The following MYO3B variants were observed in gnomAD, a reference collection of about 807,000 sequenced individuals.
MYO3B encodes the protein myosin IIIB.
A neutral mutation model predicts 174.6 loss-of-function variants in MYO3B; 156 were observed. The ratio of observed to expected loss-of-function variants is 0.89; its 90% CI spans 0.78 to 1.02. The LOEUF (loss-of-function observed/expected upper bound fraction) is 1.02. MYO3B is among the 50% of genes least tolerant of loss of function. The pLI is 0.00. For missense variants in MYO3B, 1,632 were observed against 1,639.4 expected (o/e 1.00, Z 0.08); for synonymous variants, 563 against 569.1 (o/e 0.99, Z 0.15).
chr2:170,350,628 G>A (rs1462178328), intron 8 of MYO3B: 1 of 152,154 alleles, frequency 6.6e-6, no homozygotes, highest in Middle Eastern at 3.2e-3. Flanking sequence ...GCCTGTGAAT[G>A]CAACTTTACT....
intron 32 of MYO3B, among the ~76,000 whole-genome samples, chr2:170,641,739 GCTTAA>G (rs1375980591): frequency 6.6e-6 from 1 of 151,538 alleles, no homozygotes; most frequent in Non-Finnish European, 1.5e-5. Context: ...ACTTTTCACT[GCTTAA>G]CTTATTTGAA....
intron 32 of MYO3B, among the ~76,000 whole-genome samples, chr2:170,612,442 C>CT (rs1465323158): frequency 6.6e-6 from 1 of 152,204 alleles, no homozygotes; most frequent in Non-Finnish European, 1.5e-5. Flanking sequence ...ATATGCCACT[C>CT]TTACTTATTA....
At chr2:170,214,702 G>A in intron 4 of MYO3B, 27 bp from the exon 5 acceptor site, 2 of 1,592,722 alleles carry the variant, frequency 1.3e-6, no homozygotes, top group Non-Finnish European at 1.7e-6. Context: ...CTTTCCTGTT[G>A]TTTGGTGGTG....
chr2:170,328,323 G>C (rs985846050), intron 7 of MYO3B, among the ~76,000 whole-genome samples: 1 of 152,176 alleles, frequency 6.6e-6, no homozygotes, highest in Non-Finnish European at 1.5e-5. Flanking sequence ...ATAAGGTTCA[G>C]TGTTTGTAGC....
At chr2:170,335,030 A>G (rs1254050683) in intron 7 of MYO3B, among the ~76,000 whole-genome samples, 3 of 152,216 alleles carry the variant, frequency 2.0e-5, no homozygotes, top group African/African-American at 7.2e-5. Flanking sequence ...TAAAGCCCCT[A>G]GCACTATGTT....
chr2:170,442,668 A>G (rs2094810083), intron 22 of MYO3B, among the ~76,000 whole-genome samples: 1 of 151,916 alleles, frequency 6.6e-6, no homozygotes, highest in Non-Finnish European at 1.5e-5. Flanking sequence ...CCACTCCCCG[A>G]CAGGTCCTGG....
chr2:170,405,723 C>G, intron 21 of MYO3B, 90 bp downstream of exon 21: 1 of 1,023,270 alleles, frequency 9.8e-7, no homozygotes, highest in South Asian at 1.6e-5. Flanking sequence ...AAATTGCTTA[C>G]AGATTTCTTT....
At chr2:170,532,098 C>T (rs552985909) in intron 30 of MYO3B, among the ~76,000 whole-genome samples, 6 of 152,198 alleles carry the variant, frequency 3.9e-5, no homozygotes, top group Non-Finnish European at 8.8e-5. Context: ...ATTGAACAAA[C>T]TGACAGCATG....
At chr2:170,492,013 A>G in intron 25 of MYO3B, among the ~76,000 whole-genome samples, 1 of 150,766 alleles carries the variant, frequency 6.6e-6, no homozygotes, top group South Asian at 2.1e-4. Flanking sequence ...GGATCTCACC[A>G]TTGTACTTCA....
chr2:170,652,121 A>G lies in MYO3B; in HGVS notation c.3854A>G (p.Tyr1285Cys), dbSNP rs1699052149. ...YYNQLNGTLE[Y>C]QGSKRKPRKL... ...CCCTCTCCACAGGGAACTCTAGAAT[A>G]TCAAGGGAGCAAGAGGAAGCCAAGA... Residue 1285 changes from tyrosine to cysteine, a missense_variant, in exon 34 of 35, where the codon TAT becomes TGT. By Grantham distance (194) the Tyr-to-Cys change is radical. Coordinates refer to ENST00000408978, the MANE Select transcript of MYO3B (RefSeq NM_138995.5). 1.2e-6 allele frequency: 2 copies of G among 1,614,076 alleles called. No individual in the cohort carries two copies. The highest frequency in any genetic ancestry group is 1.7e-6 in the Non-Finnish European group (2 of 1,179,976).
chr2:170,509,978 C>T (rs562835084), intron 28 of MYO3B, among the ~76,000 whole-genome samples: 25 of 152,274 alleles, frequency 1.6e-4, no homozygotes, highest in African/African-American at 4.8e-4. Context: ...AGCAGGATCA[C>T]GGTTTGATTT....
intron 32 of MYO3B, among the ~76,000 whole-genome samples, chr2:170,638,568 C>T (rs1697715900): frequency 6.6e-6 from 1 of 152,146 alleles, no homozygotes; most frequent in East Asian, 1.9e-4. Context: ...TCTGGAGTTA[C>T]AGCATCTTAA....
chr2:170,448,888 G>A (rs1166298105), intron 23 of MYO3B, among the ~76,000 whole-genome samples: 1 of 151,562 alleles, frequency 6.6e-6, no homozygotes, highest in East Asian at 1.9e-4. Context: ...ATAAATTTTA[G>A]CCCTATTATG....
At chr2:170,428,860 T>G (rs2094686336) in intron 22 of MYO3B, among the ~76,000 whole-genome samples, 2 of 152,340 alleles carry the variant, frequency 1.3e-5, no homozygotes, top group African/African-American at 4.8e-5. Flanking sequence ...AAATGAGTCA[T>G]AAAGAGTAGA....
chr2:170,363,089 G>A (rs1002916134), intron 8 of MYO3B, among the ~76,000 whole-genome samples: 3 of 152,138 alleles, frequency 2.0e-5, no homozygotes, highest in Non-Finnish European at 2.9e-5. Flanking sequence ...TGAATCACAC[G>A]GCAGGGAAAT....
intron 32 of MYO3B, among the ~76,000 whole-genome samples, chr2:170,650,807 C>G (rs939462297): frequency 6.6e-6 from 1 of 151,194 alleles, no homozygotes; most frequent in Non-Finnish European, 1.5e-5. Context: ...TCTCAGCCTC[C>G]CGAGTAGCTG....
intron 20 of MYO3B, 30 bp from the exon 21 acceptor site, chr2:170,405,515 T>A: frequency 6.2e-7 from 1 of 1,606,818 alleles, no homozygotes; most frequent in Admixed American, 1.7e-5. Flanking sequence ...TAATTCACAT[T>A]GTAACTCTCC....
At chr2:170,219,568 C>T (rs552647467) in intron 6 of MYO3B, among the ~76,000 whole-genome samples, 17 of 151,780 alleles carry the variant, frequency 1.1e-4, no homozygotes, top group African/African-American at 3.1e-4. Context: ...TGTTTGAACC[C>T]GGGAGGCAGA....
chr2:170,497,535 G>A (rs1488947979), intron 25 of MYO3B, among the ~76,000 whole-genome samples: 1 of 151,938 alleles, frequency 6.6e-6, no homozygotes, highest in Admixed American at 6.6e-5. Context: ...GGAGAATGGC[G>A]CAAACCCGGG....
Sources: allele counts gnomAD v4.1 joint callset (sites outside exome capture counted in the v4.1 genomes callset), GRCh38; gene constraint gnomAD v4.1.1; transcripts MANE v1.5; gene names NCBI Gene and HGNC (gene_info 2026-07-23, HGNC 2026-07-21).